Variants in SCAPER observed in about 807,000 individuals in gnomAD.
The protein encoded by SCAPER is S-phase cyclin A associated protein in the ER.
In SCAPER, 98 loss-of-function variants were observed where a neutral mutation model predicts 182.2. The observed-to-expected ratio is 0.54, with a 90% CI of 0.46 to 0.64. SCAPER has a LOEUF of 0.64. Ranked by LOEUF, SCAPER falls within the 30% of genes least tolerant of loss-of-function variation. The pLI is 0.00. For synonymous variants in SCAPER, 605 were observed against 564.6 expected (o/e 1.07, Z -1.01); for missense variants, 1,432 against 1,690.0 (o/e 0.85, Z 2.68).
At chr15:76,818,566 A>G (rs2067263777) in intron 5 of SCAPER, among the ~76,000 whole-genome samples, 2 of 151,880 alleles carry the variant, frequency 1.3e-5, no homozygotes, top group Admixed American at 6.6e-5. Context: ...ACTGTTATCC[A>G]AAACATACAA....
chr15:76,724,424 G>C (rs376383432), intron 17 of SCAPER, among the ~76,000 whole-genome samples: 1 of 152,072 alleles, frequency 6.6e-6, no homozygotes, highest in Non-Finnish European at 1.5e-5. Flanking sequence ...TCTTCTCAAG[G>C]AGTATCTTTG....
intron 1 of SCAPER, among the ~76,000 whole-genome samples, chr15:76,902,738 A>C (rs1437744977): frequency 6.6e-6 from 1 of 152,134 alleles, no homozygotes; most frequent in Non-Finnish European, 1.5e-5. Flanking sequence ...ATCCTTTAAA[A>C]CTAGTCTGGG....
intron 23 of SCAPER, among the ~76,000 whole-genome samples, chr15:76,549,783 C>T (rs953598072): frequency 6.6e-6 from 1 of 152,074 alleles, no homozygotes; most frequent in Non-Finnish European, 1.5e-5. Flanking sequence ...AACTAGACCC[C>T]TATCTCTCAT....
chr15:76,704,839 C>G (rs944144356), intron 18 of SCAPER, among the ~76,000 whole-genome samples: 17 of 152,142 alleles, frequency 1.1e-4, no homozygotes, highest in African/African-American at 3.9e-4. Flanking sequence ...ATCAAAACCA[C>G]AATGAGATAC....
At chr15:76,635,243 T>A (rs989055297) in intron 21 of SCAPER, among the ~76,000 whole-genome samples, 8 of 152,156 alleles carry the variant, frequency 5.3e-5, no homozygotes. Context: ...AGACAGGACA[T>A]CACTTCATCA....
chr15:76,773,194 A>G (rs2063563350), intron 9 of SCAPER, among the ~76,000 whole-genome samples: 1 of 151,922 alleles, frequency 6.6e-6, no homozygotes, highest in African/African-American at 2.4e-5. Context: ...AACAAAATCA[A>G]AGCTAAAATA....
At chr15:76,575,779 A>G (rs921316120) in intron 22 of SCAPER, among the ~76,000 whole-genome samples, 1 of 152,236 alleles carries the variant, frequency 6.6e-6, no homozygotes, top group Non-Finnish European at 1.5e-5. Context: ...GAGAATTAAA[A>G]ATACTTACTG....
At chr15:76,522,325 C>A (rs769810705) in intron 23 of SCAPER, among the ~76,000 whole-genome samples, 5 of 152,094 alleles carry the variant, frequency 3.3e-5, no homozygotes, top group African/African-American at 9.7e-5. Flanking sequence ...GATACTTCTT[C>A]AATCACTATA....
intron 23 of SCAPER, among the ~76,000 whole-genome samples, chr15:76,506,108 G>A (rs1035714528): frequency 5.3e-5 from 8 of 151,662 alleles, no homozygotes; most frequent in Middle Eastern, 3.2e-3. Context: ...GAAGGGTAGT[G>A]GGGGGGACGG....
At chr15:76,480,162 G>C (rs1281080021) in intron 24 of SCAPER, among the ~76,000 whole-genome samples, 13 of 152,154 alleles carry the variant, frequency 8.5e-5, no homozygotes, top group Non-Finnish European at 1.8e-4. Context: ...CAATTCGTTA[G>C]GAAAGGGAGA....
At chr15:76,491,750 G>A (rs2052334366) in intron 24 of SCAPER, among the ~76,000 whole-genome samples, 3 of 152,132 alleles carry the variant, frequency 2.0e-5, no homozygotes, top group South Asian at 4.1e-4. Context: ...TCGTGCCTCA[G>A]CCACCTGAGT....
chr15:76,504,907 G>C lies in SCAPER; in HGVS notation c.2906C>G (p.Ala969Gly). Residue 969 changes from alanine (A) to glycine (G), a missense_variant, in exon 24 of 32, where the codon GCA (alanine) becomes GGA (glycine). By Grantham distance (60) the Ala-to-Gly change is moderately conservative. This residue lies in a region of SCAPER where 718 missense variants were observed against 799.7 expected (regional missense o/e 0.90). Coordinates refer to ENST00000563290, the MANE Select transcript of SCAPER (RefSeq NM_020843.4). The part of the protein sequence containing the change: ...GLTALEHILQ[A>G]VVPATNVNTV... The stretch of plus-strand genomic sequence containing the variant: ...GTTCACATTTGTGGCTGGGACTACT[G>C]CTTGAAGGATGTGTTCAAGGGCTGT... 6.2e-7 allele frequency: 1 copy of C among 1,612,836 alleles called. No individual in the cohort carries two copies. Among genetic ancestry groups the C allele is most frequent in the Non-Finnish European group, 8.5e-7 (1 of 1,179,506 alleles).
intron 17 of SCAPER, among the ~76,000 whole-genome samples, chr15:76,711,850 T>A (rs1421721521): frequency 3.3e-5 from 5 of 152,196 alleles, no homozygotes; most frequent in Non-Finnish European, 5.9e-5. Flanking sequence ...CTTTGTCAGA[T>A]GAGTAGGTTG....
intron 17 of SCAPER, among the ~76,000 whole-genome samples, chr15:76,720,287 C>T (rs2060141572): frequency 6.6e-6 from 1 of 151,974 alleles, no homozygotes; most frequent in Admixed American, 6.5e-5. Context: ...CATAGTATTC[C>T]ATGGTGTATA....
intron 2 of SCAPER, among the ~76,000 whole-genome samples, chr15:76,882,628 A>C (rs1005604828): frequency 6.6e-6 from 1 of 152,236 alleles, no homozygotes; most frequent in Non-Finnish European, 1.5e-5. Flanking sequence ...GAGGGATGAA[A>C]TAAGAGCATA....
At chr15:76,547,721 C>T (rs760666186) in intron 23 of SCAPER, among the ~76,000 whole-genome samples, 3 of 151,952 alleles carry the variant, frequency 2.0e-5, no homozygotes, top group Non-Finnish European at 2.9e-5. Context: ...ATTGATGAGA[C>T]GGGTCATGTA....
At chr15:76,835,448 T>A (rs1257332416) in intron 5 of SCAPER, among the ~76,000 whole-genome samples, 1 of 152,098 alleles carries the variant, frequency 6.6e-6, no homozygotes. Context: ...AAAAACCACA[T>A]GAGCATCTCA....
intron 8 of SCAPER, among the ~76,000 whole-genome samples, chr15:76,787,355 G>A (rs2151428487): frequency 6.6e-6 from 1 of 152,162 alleles, no homozygotes; most frequent in Admixed American, 6.5e-5. Flanking sequence ...AATTGCAAAT[G>A]CAATTCAACA....
At chr15:76,692,403 T>C (rs925758825) in intron 20 of SCAPER, among the ~76,000 whole-genome samples, 9 of 151,994 alleles carry the variant, frequency 5.9e-5, no homozygotes, top group African/African-American at 1.4e-4. Flanking sequence ...AAAAATAACA[T>C]GAAGGCTGGG....
Sources: allele counts gnomAD v4.1 joint callset (sites outside exome capture counted in the v4.1 genomes callset), GRCh38; gene constraint gnomAD v4.1.1; regional missense constraint gnomAD v4.1.1; transcripts MANE v1.5; gene names NCBI Gene and HGNC (gene_info 2026-07-23, HGNC 2026-07-21).